ARHGAP44: variants seen among roughly 807,000 people sequenced by gnomAD.
ARHGAP44 encodes rho GTPase-activating protein 44.
A neutral mutation model predicts 106.8 loss-of-function variants in ARHGAP44; 43 were observed. The ratio of observed to expected loss-of-function variants is 0.40; its 90% CI spans 0.32 to 0.52. The LOEUF is 0.52. ARHGAP44 is among the 20% of genes least tolerant of loss of function. The pLI, the probability that ARHGAP44 is intolerant of heterozygous loss-of-function variation, is 0.48. For missense variants in ARHGAP44, 866 were observed against 1,050.5 expected, an observed-to-expected ratio of 0.82 and a Z score of 2.43; for synonymous variants, 439 against 410.3, an observed-to-expected ratio of 1.07 and a Z score of -0.85.
intron 1 of ARHGAP44, among the ~76,000 whole-genome samples, chr17:12,844,091 C>T (rs1380988538): frequency 6.6e-6 from 1 of 152,120 alleles, no homozygotes; most frequent in Non-Finnish European, 1.5e-5. Context: ...TCTGTGCATG[C>T]ATAGTTCAGG....
chr17:12,896,191 T>C (rs1160329308), intron 2 of ARHGAP44, among the ~76,000 whole-genome samples: 1 of 151,926 alleles, frequency 6.6e-6, no homozygotes, highest in Non-Finnish European at 1.5e-5. Flanking sequence ...CACACCAAGA[T>C]GGCACGTGTA....
intron 3 of ARHGAP44, among the ~76,000 whole-genome samples, chr17:12,898,539 G>T (rs180766541): frequency 6.6e-6 from 1 of 152,326 alleles, no homozygotes; most frequent in Non-Finnish European, 1.5e-5. Flanking sequence ...GATGTAGCCA[G>T]TTCCAAGGTT....
At chr17:12,803,057 C>G (rs2034167670) in intron 1 of ARHGAP44, among the ~76,000 whole-genome samples, 1 of 145,366 alleles carries the variant, frequency 6.9e-6, no homozygotes, top group Admixed American at 7.0e-5. Context: ...ACTGCAACCT[C>G]TGCCTCCTGG....
chr17:12,991,477 CAG>C lies in ARHGAP44; in HGVS notation c.*1309_*1310del, dbSNP rs928859298. The C allele has an allele frequency of 4.1e-5, 7 of 172,130 alleles. No individual in the cohort carries two copies. Among genetic ancestry groups the C allele is most frequent in the East Asian group, 3.2e-4 (3 of 9,370 alleles). 10.7% of individuals were successfully genotyped at this position (172,130 alleles called of 1,614,324 possible). A position where few individuals can be genotyped will look rare whatever the true frequency, so the allele number is the denominator to read the frequency against. Reference sequence around the variant, plus strand: ...CACCCTCCTCTGAGAGTGGGATGTGCAGAGTTTTGATGTTGCAGCTTTGCTCA... The same window carrying C: ...CACCCTCCTCTGAGAGTGGGATGTGCAGTTTTGATGTTGCAGCTTTGCTCA... On this transcript the variant is annotated 3_prime_UTR_variant, in exon 21 of 21. Transcript: ENST00000379672.
intron 1 of ARHGAP44, among the ~76,000 whole-genome samples, chr17:12,884,901 G>A (rs1285301502): frequency 6.6e-6 from 1 of 152,004 alleles, no homozygotes; most frequent in East Asian, 1.9e-4. Flanking sequence ...TTTTTTGTTT[G>A]TTTGTTTGTT....
intron 1 of ARHGAP44, among the ~76,000 whole-genome samples, chr17:12,813,948 T>A (rs2034515728): frequency 6.6e-6 from 1 of 152,194 alleles, no homozygotes. Context: ...CCTCACCTTC[T>A]TGGTGTTATA....
chr17:12,908,265 C>T (rs9889805), intron 3 of ARHGAP44, among the ~76,000 whole-genome samples: 20,461 of 145,516 alleles, frequency 0.14, 2,152 homozygotes, highest in East Asian at 0.34. Flanking sequence ...GGCACAATCT[C>T]GGCTCACTGC....
intron 1 of ARHGAP44, among the ~76,000 whole-genome samples, chr17:12,817,964 A>G (rs2034646046): frequency 1.3e-5 from 2 of 152,050 alleles, no homozygotes; most frequent in Admixed American, 6.6e-5. Flanking sequence ...AGTCTCTTTC[A>G]GAAAACAGAA....
At chr17:12,792,875 G>A (rs192326677) in intron 1 of ARHGAP44, among the ~76,000 whole-genome samples, 3 of 152,146 alleles carry the variant, frequency 2.0e-5, no homozygotes, top group African/African-American at 4.8e-5. Flanking sequence ...GGGCGTCAGC[G>A]ACTATGAAAA....
At chr17:12,894,283 T>G (rs11078095) in intron 1 of ARHGAP44, among the ~76,000 whole-genome samples, 112,268 of 151,234 alleles carry the variant, frequency 0.74, 41,987 homozygotes, top group East Asian at 0.98. Flanking sequence ...TGTTGTCAGA[T>G]AAAGAGAGAG....
intron 1 of ARHGAP44, among the ~76,000 whole-genome samples, chr17:12,863,762 A>G (rs554468885): frequency 6.6e-6 from 1 of 152,320 alleles, no homozygotes; most frequent in Admixed American, 6.5e-5. Context: ...TCTCCAACAT[A>G]CCACCTCCAA....
intron 20 of ARHGAP44, chr17:12,987,647 C>T (rs2039993894): frequency 6.6e-6 from 1 of 152,384 alleles, no homozygotes; most frequent in African/African-American, 2.4e-5. Flanking sequence ...TTTTCTGTGG[C>T]CCCGAGTTTG....
At chr17:12,847,671 G>A (rs1377006338) in intron 1 of ARHGAP44, among the ~76,000 whole-genome samples, 2 of 151,904 alleles carry the variant, frequency 1.3e-5, no homozygotes, top group South Asian at 4.2e-4. Flanking sequence ...CTGCCACTGC[G>A]CCCGGCTAAT....
chr17:12,900,212 C>T (rs905625476), intron 3 of ARHGAP44, among the ~76,000 whole-genome samples: 3 of 152,026 alleles, frequency 2.0e-5, no homozygotes, highest in African/African-American at 4.8e-5. Context: ...TCACTGCAAC[C>T]TCTGCCTCCC....
chr17:12,844,590 C>T (rs2035510062), intron 1 of ARHGAP44, among the ~76,000 whole-genome samples: 1 of 152,142 alleles, frequency 6.6e-6, no homozygotes, highest in Non-Finnish European at 1.5e-5. Context: ...TAGCTTCAAA[C>T]TCTGTTCTCT....
chr17:12,832,528 AG>A (rs2035120228), intron 1 of ARHGAP44, among the ~76,000 whole-genome samples: 2 of 152,112 alleles, frequency 1.3e-5, no homozygotes, highest in South Asian at 2.1e-4. Context: ...CTAATTTGTT[AG>A]TTTTACAAAG....
At chr17:12,930,427 G>T (rs2038365237) in intron 7 of ARHGAP44, among the ~76,000 whole-genome samples, 1 of 151,900 alleles carries the variant, frequency 6.6e-6, no homozygotes, top group Admixed American at 6.6e-5. Context: ...AGTAGAGACG[G>T]GGGTTTTACC....
chr17:12,812,492 G>A (rs970022013), intron 1 of ARHGAP44, among the ~76,000 whole-genome samples: 16 of 152,142 alleles, frequency 1.1e-4, no homozygotes, highest in African/African-American at 3.4e-4. Flanking sequence ...CATTACTAAC[G>A]CATTAAATAG....
intron 1 of ARHGAP44, among the ~76,000 whole-genome samples, chr17:12,862,068 G>C (rs950357193): frequency 1.3e-4 from 20 of 152,162 alleles, no homozygotes; most frequent in African/African-American, 4.8e-4. Flanking sequence ...TATTCAGGGT[G>C]CTGGGAATTA....
Sources: gnomAD v4.1 joint callset for allele counts (sites outside exome capture counted in the v4.1 genomes callset) on GRCh38, gnomAD v4.1.1 for gene constraint, MANE v1.5 for transcripts, NCBI Gene and HGNC (gene_info 2026-07-23, HGNC 2026-07-21) for gene names.